ARIH1: variants seen among roughly 807,000 people sequenced by gnomAD.
The protein encoded by ARIH1 is E3 ubiquitin-protein ligase ARIH1.
In ARIH1, 8 loss-of-function variants were observed where a neutral mutation model predicts 85.0. That is an observed-to-expected ratio of 0.09 (90% confidence interval 0.06 to 0.17). ARIH1 has a LOEUF of 0.17. Ranked by LOEUF, ARIH1 falls within the 10% of genes least tolerant of loss-of-function variation. ARIH1 has a pLI of 1.00. For missense variants in ARIH1, 311 were observed against 718.1 expected (o/e 0.43, Z 6.48); for synonymous variants, 238 against 253.6 (o/e 0.94, Z 0.59).
chr15:72,562,177 G>A (rs559984395), intron 6 of ARIH1, among the ~76,000 whole-genome samples: 2 of 152,080 alleles, frequency 1.3e-5, no homozygotes, highest in East Asian at 3.9e-4. Flanking sequence ...TTCTCTGCTC[G>A]TTTTAGGTTT....
chr15:72,481,223 C>G (rs760960600), intron 1 of ARIH1, among the ~76,000 whole-genome samples: 1 of 152,126 alleles, frequency 6.6e-6, no homozygotes, highest in Non-Finnish European at 1.5e-5. Context: ...TGGCAGTAGT[C>G]CTATGAATCA....
Position 72,583,745 on chromosome 15 carries a change from C to T in ARIH1, c.*453C>T, listed in dbSNP as rs1447894238. 2 of 153,130 alleles carry T rather than the reference C, an allele frequency of 1.3e-5. No individual in the cohort carries two copies. Among genetic ancestry groups the T allele is most frequent in the Non-Finnish European group, 1.5e-5 (1 of 68,732 alleles). The allele number at this position is 153,130 out of a possible 1,614,324, so 9.5% of individuals were successfully genotyped here. A position where few individuals can be genotyped will look rare whatever the true frequency, so the allele number is the denominator to read the frequency against. On this transcript the variant is annotated 3_prime_UTR_variant, in exon 14 of 14. Transcript: ENST00000379887. ...ATACACCCACACACAGACTGACTCT[C>T]TTTCTCTCATACCCCAAGGTCATGA...
chr15:72,586,831 T>TAGCTCTTTGAATGCCACTTTTTTTAAAG lies in ARIH1; in HGVS notation c.*3541_*3568dup, dbSNP rs1230247818. On this transcript the variant is annotated 3_prime_UTR_variant, in exon 14 of 14. Transcript: ENST00000379887. ...GTAACAGTGATACAAAAATGTTCAA[T>TAGCTCTTTGAATGCCACTTTTTTTAAAG]AGCTCTTTGAATGCCACTTTTTTTA... 1.9e-5 allele frequency: 3 copies of TAGCTCTTTGAATGCCACTTTTTTTAAAG among 160,360 alleles called. No homozygotes were observed. The Admixed American group carries it at 1.9e-4, about 10-fold the overall frequency. 9.9% of individuals were successfully genotyped at this position (160,360 alleles called of 1,614,324 possible).
At chr15:72,505,857 T>G (rs1164900394) in intron 1 of ARIH1, among the ~76,000 whole-genome samples, 1 of 152,108 alleles carries the variant, frequency 6.6e-6, no homozygotes, top group African/African-American at 2.4e-5. Context: ...TTCTTCAGCC[T>G]CCCGAGGAGC....
intron 3 of ARIH1, among the ~76,000 whole-genome samples, chr15:72,549,089 T>TC (rs1491212434): frequency 4.4e-5 from 5 of 114,434 alleles, no homozygotes; most frequent in African/African-American, 1.8e-4. Flanking sequence ...TCTCTCTCTC[T>TC]TTTTTTTTTT....
intron 3 of ARIH1, among the ~76,000 whole-genome samples, chr15:72,548,982 C>T (rs953459485): frequency 6.6e-6 from 1 of 151,958 alleles, no homozygotes; most frequent in African/African-American, 2.4e-5. Context: ...TTTGTAAATT[C>T]ATAGATTCCA....
At chr15:72,541,137 TA>T (rs2064105455) in intron 2 of ARIH1, among the ~76,000 whole-genome samples, 1 of 152,126 alleles carries the variant, frequency 6.6e-6, no homozygotes, top group African/African-American at 2.4e-5. Context: ...ATGTGGGGGT[TA>T]AAAGGAAGCG....
chr15:72,490,622 T>G (rs899788015), intron 1 of ARIH1, among the ~76,000 whole-genome samples: 4 of 152,106 alleles, frequency 2.6e-5, no homozygotes, highest in Admixed American at 2.0e-4. Context: ...TGGGGACCAC[T>G]GTACTGTAGT....
Position 72,540,288 on chromosome 15 carries a change from G to GA in ARIH1, c.444-4526dup, listed in dbSNP as rs1439372894. On this transcript the variant is annotated intron_variant, in intron 2 of 13. Coordinates refer to ENST00000379887, the MANE Select transcript of ARIH1 (RefSeq NM_005744.5). The stretch of plus-strand genomic sequence containing the variant: ...AAAAAAAAAAAAAAAAAAAATTAGT[G>GA]AAAAAATTATATAAAACTGTAATCA... Among the ~76,000 whole-genome samples the GA allele has an allele frequency of 5.8e-4, 85 of 146,006 alleles. 1 individual carries two copies. The highest frequency in any genetic ancestry group is 2.0e-3 in the African/African-American group (79 of 40,120).
At chr15:72,509,475 T>C (rs1053960122) in intron 1 of ARIH1, among the ~76,000 whole-genome samples, 3 of 152,144 alleles carry the variant, frequency 2.0e-5, no homozygotes, top group African/African-American at 7.2e-5. Context: ...CAGTTTCCCC[T>C]CACCATCACC....
At position 72,484,419 on chromosome 15, in the gene ARIH1, C is replaced by A. The variant is rs114665190; in HGVS notation, c.375+9405C>A. The stretch of plus-strand genomic sequence containing the variant: ...GTAGTGTTTTATCTCTCACCCCCTT[C>A]TCACCTTTTTCCCCCGAGTCCCCAG... On this transcript the variant is annotated intron_variant, in intron 1 of 13. Transcript: ENST00000379887. Among the ~76,000 whole-genome samples, 482 of 151,898 alleles carry A rather than the reference C, an allele frequency of 3.2e-3. 3 individuals are homozygous for A. Among genetic ancestry groups the A allele is most frequent in the African/African-American group, 0.011 (465 of 41,416 alleles).
intron 1 of ARIH1, among the ~76,000 whole-genome samples, chr15:72,497,798 G>A (rs1316045628): frequency 5.3e-5 from 8 of 152,194 alleles, no homozygotes; most frequent in Non-Finnish European, 1.0e-4. Flanking sequence ...TTGTTCTTCA[G>A]TGAAGATTGT....
chr15:72,537,096 G>T (rs907389378), intron 2 of ARIH1, among the ~76,000 whole-genome samples: 53 of 149,236 alleles, frequency 3.6e-4, no homozygotes, highest in Admixed American at 7.9e-4. Flanking sequence ...TCTCATTTTT[G>T]TTGTTGTTGT....
At position 72,558,455 on chromosome 15, in the gene ARIH1, T is replaced by C. The variant is rs546789680; in HGVS notation, c.737+2548T>C. The stretch of plus-strand genomic sequence containing the variant: ...TAGCTGAGATTACAGGTGTACACCA[T>C]CACGTCCGGATAAGTTTTGTATTTT... On this transcript the variant is annotated intron_variant, in intron 5 of 13. Coordinates refer to ENST00000379887, the MANE Select transcript of ARIH1 (RefSeq NM_005744.5). 2.0e-5 allele frequency among the ~76,000 whole-genome samples: 3 copies of C among 152,246 alleles called. No individual in the cohort carries two copies. The South Asian group carries it at 6.2e-4, about 32-fold the overall frequency.
chr15:72,536,697 G>C (rs1050256133), intron 2 of ARIH1, among the ~76,000 whole-genome samples: 6 of 152,132 alleles, frequency 3.9e-5, no homozygotes, highest in African/African-American at 1.4e-4. Flanking sequence ...CTGTTTCACT[G>C]TGGTTAGTTC....
chr15:72,566,692 C>A, intron 8 of ARIH1, 87 bp downstream of exon 8: 1 of 1,187,970 alleles, frequency 8.4e-7, no homozygotes, highest in Non-Finnish European at 1.2e-6. Context: ...ATTTTGTTAT[C>A]TATCTATTGA....
chr15:72,544,543 T>C (rs1001197533), intron 2 of ARIH1, among the ~76,000 whole-genome samples: 4 of 151,596 alleles, frequency 2.6e-5, no homozygotes, highest in African/African-American at 9.7e-5. Flanking sequence ...AGTCTACTAG[T>C]TTACATACAT....
chr15:72,513,669 A>ATC (rs1325730865), intron 1 of ARIH1, among the ~76,000 whole-genome samples: 2 of 117,258 alleles, frequency 1.7e-5, no homozygotes, highest in South Asian at 2.7e-4. Context: ...GCAGGTTTCA[A>ATC]TCTCTCTCTC....
intron 1 of ARIH1, among the ~76,000 whole-genome samples, chr15:72,494,088 C>A (rs986003574): frequency 2.0e-5 from 3 of 151,992 alleles, no homozygotes; most frequent in Admixed American, 2.0e-4. Context: ...CCTAAATAAT[C>A]GTGTTATAGT....
Sources: gnomAD v4.1 joint callset for allele counts (sites outside exome capture counted in the v4.1 genomes callset) on GRCh38, gnomAD v4.1.1 for gene constraint, MANE v1.5 for transcripts, NCBI Gene and HGNC (gene_info 2026-07-23, HGNC 2026-07-21) for gene names.